MDGA2: variants seen among roughly 807,000 people sequenced by gnomAD.
MDGA2 encodes MAM domain containing glycosylphosphatidylinositol anchor 2, also known as MAM domain-containing glycosylphosphatidylinositol anchor protein 2.
MDGA2 carries 40 observed loss-of-function variants against 117.8 expected under a neutral mutation model. The observed-to-expected ratio is 0.34, with a 90% CI of 0.26 to 0.44. The LOEUF (loss-of-function observed/expected upper bound fraction) is 0.44. Ranked by LOEUF, MDGA2 falls within the 20% of genes least tolerant of loss-of-function variation. The pLI, the probability that MDGA2 is intolerant of heterozygous loss-of-function variation, is 1.00. For missense variants in MDGA2, 1,123 were observed against 1,250.6 expected (o/e 0.90, Z 1.54); for synonymous variants, 452 against 439.0 (o/e 1.03, Z -0.37).
At chr14:47,255,178 T>C (rs1887577494) in intron 2 of MDGA2, among the ~76,000 whole-genome samples, 1 of 152,276 alleles carries the variant, frequency 6.6e-6, no homozygotes, top group Admixed American at 6.5e-5. Context: ...TCTGAAAGGT[T>C]GAAGTATCTA....
chr14:46,969,974 A>ATATATATATATC (rs1182921749), intron 8 of MDGA2, among the ~76,000 whole-genome samples: 1 of 143,346 alleles, frequency 7.0e-6, no homozygotes. Context: ...ATATATATAT[A>ATATATATATATC]TATGGAATAA....
At chr14:47,215,759 G>C (rs911050648) in intron 3 of MDGA2, among the ~76,000 whole-genome samples, 1 of 152,096 alleles carries the variant, frequency 6.6e-6, no homozygotes, top group African/African-American at 2.4e-5. Flanking sequence ...TTAACATCAT[G>C]TTATTTTCTC....
At chr14:47,063,210 T>C (rs1889956706) in intron 6 of MDGA2, among the ~76,000 whole-genome samples, 1 of 152,040 alleles carries the variant, frequency 6.6e-6, no homozygotes, top group South Asian at 2.1e-4. Context: ...AATTACTGTT[T>C]AGAAAATGCA....
intron 1 of MDGA2, among the ~76,000 whole-genome samples, chr14:47,328,279 G>T (rs1402205190): frequency 6.6e-6 from 1 of 152,104 alleles, no homozygotes; most frequent in East Asian, 1.9e-4. Context: ...GAAAGGGAAA[G>T]ATTTTCTCCA....
chr14:46,899,654 C>A (rs575004220), intron 10 of MDGA2, among the ~76,000 whole-genome samples: 138 of 150,792 alleles, frequency 9.2e-4, no homozygotes, highest in Non-Finnish European at 1.5e-3. Flanking sequence ...AAATTTTTAA[C>A]CGAAATGTAA....
At chr14:47,325,141 G>A (rs894266988) in intron 1 of MDGA2, among the ~76,000 whole-genome samples, 2 of 152,158 alleles carry the variant, frequency 1.3e-5, no homozygotes, top group Non-Finnish European at 1.5e-5. Flanking sequence ...GAAGATATGG[G>A]TATGAAAAGT....
intron 1 of MDGA2, among the ~76,000 whole-genome samples, chr14:47,419,516 A>G (rs1182014122): frequency 6.6e-6 from 1 of 152,112 alleles, no homozygotes; most frequent in Non-Finnish European, 1.5e-5. Context: ...ATCTTAGCAC[A>G]TAATAATAAA....
intron 2 of MDGA2, among the ~76,000 whole-genome samples, chr14:47,239,178 A>T (rs1388272132): frequency 2.0e-5 from 3 of 150,798 alleles, no homozygotes; most frequent in Non-Finnish European, 3.0e-5. Context: ...AAAACATATT[A>T]TGTGACCCTG....
At chr14:47,569,067 T>C (rs895868389) in intron 1 of MDGA2, among the ~76,000 whole-genome samples, 2 of 152,068 alleles carry the variant, frequency 1.3e-5, no homozygotes, top group African/African-American at 4.8e-5. Flanking sequence ...AAATAATATA[T>C]CTAACCTTGT....
chr14:46,960,895 T>A (rs971363852), intron 8 of MDGA2, among the ~76,000 whole-genome samples: 1 of 146,868 alleles, frequency 6.8e-6, no homozygotes, highest in African/African-American at 2.5e-5. Context: ...TATACATATA[T>A]GTATATATAT....
At chr14:47,144,968 C>A in intron 3 of MDGA2, among the ~76,000 whole-genome samples, 1 of 151,662 alleles carries the variant, frequency 6.6e-6, no homozygotes, top group African/African-American at 2.4e-5. Context: ...TAATATACTT[C>A]TTTTTCCAAT....
At chr14:47,074,102 TAATG>T (rs1890397488) in intron 6 of MDGA2, among the ~76,000 whole-genome samples, 1 of 150,858 alleles carries the variant, frequency 6.6e-6, no homozygotes, top group Non-Finnish European at 1.5e-5. Flanking sequence ...ATTAAATAAT[TAATG>T]ATTAATTAAT....
chr14:47,492,782 C>A (rs1894198456), intron 1 of MDGA2, among the ~76,000 whole-genome samples: 1 of 151,994 alleles, frequency 6.6e-6, no homozygotes, highest in Non-Finnish European at 1.5e-5. Flanking sequence ...TCCCAAACCC[C>A]ACCCATGACC....
At chr14:46,903,973 G>T (rs955907166) in intron 10 of MDGA2, among the ~76,000 whole-genome samples, 9 of 152,108 alleles carry the variant, frequency 5.9e-5, no homozygotes, top group Non-Finnish European at 1.3e-4. Flanking sequence ...AAAGGAAGAT[G>T]ATTTTTAATT....
At chr14:47,572,058 C>A (rs1181800773) in intron 1 of MDGA2, among the ~76,000 whole-genome samples, 1 of 152,176 alleles carries the variant, frequency 6.6e-6, no homozygotes, top group African/African-American at 2.4e-5. Context: ...CTTATTACTC[C>A]TTCCACATAG....
At chr14:47,480,784 A>T (rs1893937852) in intron 1 of MDGA2, among the ~76,000 whole-genome samples, 1 of 151,934 alleles carries the variant, frequency 6.6e-6, no homozygotes, top group South Asian at 2.1e-4. Context: ...CTATAATATG[A>T]ATCTCTATGA....
chr14:47,460,285 C>T (rs1163922199), intron 1 of MDGA2, among the ~76,000 whole-genome samples: 3 of 151,950 alleles, frequency 2.0e-5, no homozygotes, highest in African/African-American at 7.3e-5. Flanking sequence ...CCTGCTCTGC[C>T]TGTAAACATG....
intron 1 of MDGA2, among the ~76,000 whole-genome samples, chr14:47,310,943 C>T (rs17740212): frequency 0.089 from 13,542 of 152,104 alleles, 732 homozygotes; most frequent in Non-Finnish European, 0.11. Flanking sequence ...TCTTTCCCTC[C>T]AAATCAAACT....
At chr14:47,391,200 T>G (rs929272370) in intron 1 of MDGA2, among the ~76,000 whole-genome samples, 2 of 152,206 alleles carry the variant, frequency 1.3e-5, no homozygotes, top group Non-Finnish European at 2.9e-5. Context: ...TTCCTTTCAG[T>G]GCAAACTCTG....
Sources: allele counts gnomAD v4.1 joint callset (sites outside exome capture counted in the v4.1 genomes callset), GRCh38; gene constraint gnomAD v4.1.1; transcripts MANE v1.5; gene names NCBI Gene and HGNC (gene_info 2026-07-23, HGNC 2026-07-21).